The following MCTP1 variants were observed in gnomAD, a reference collection of about 807,000 sequenced individuals.
MCTP1 encodes multiple C2 and transmembrane domain containing 1.
MCTP1 carries 69 observed loss-of-function variants against 120.6 expected under a neutral mutation model. That is an observed-to-expected ratio of 0.57 (90% confidence interval 0.47 to 0.70). MCTP1 has a LOEUF of 0.70. Ranked by LOEUF, MCTP1 falls within the 30% of genes least tolerant of loss-of-function variation. The probability of loss-of-function intolerance (pLI) is 0.00; values close to 1 mark genes in which losing one functional copy is unlikely to be tolerated. For synonymous variants in MCTP1, 529 were observed against 493.1 expected, an observed-to-expected ratio of 1.07 and a Z score of -0.96; for missense variants, 1,203 against 1,248.8, an observed-to-expected ratio of 0.96 and a Z score of 0.55.
intron 1 of MCTP1, among the ~76,000 whole-genome samples, chr5:95,282,303 A>G (rs983635772): frequency 1.3e-5 from 2 of 152,212 alleles, no homozygotes; most frequent in African/African-American, 4.8e-5. Flanking sequence ...CTTTAAAAAT[A>G]TCTTGGTTCA....
At chr5:94,785,793 A>T (rs1205242185) in intron 18 of MCTP1, among the ~76,000 whole-genome samples, 1 of 152,114 alleles carries the variant, frequency 6.6e-6, no homozygotes, top group African/African-American at 2.4e-5. Flanking sequence ...ATTTAAAAAA[A>T]TTTCTGTAAA....
chr5:94,718,718 CATT>C (rs1236960392), intron 19 of MCTP1, among the ~76,000 whole-genome samples: 2 of 152,024 alleles, frequency 1.3e-5, no homozygotes, highest in Middle Eastern at 3.2e-3. Context: ...TAAAAGAAGA[CATT>C]ATTATTATTT....
At chr5:94,839,586 T>C (rs961551526) in intron 17 of MCTP1, among the ~76,000 whole-genome samples, 7 of 152,116 alleles carry the variant, frequency 4.6e-5, no homozygotes, top group Admixed American at 1.3e-4. Context: ...AAAAATAATA[T>C]AAAAGACTTC....
At chr5:95,249,766 A>G (rs1197303807) in intron 1 of MCTP1, among the ~76,000 whole-genome samples, 1 of 152,256 alleles carries the variant, frequency 6.6e-6, no homozygotes, top group Non-Finnish European at 1.5e-5. Flanking sequence ...CCATATGTCC[A>G]TCAGTGATAG....
chr5:95,074,773 T>A (rs1262671943), intron 1 of MCTP1, among the ~76,000 whole-genome samples: 1 of 152,140 alleles, frequency 6.6e-6, no homozygotes, highest in Non-Finnish European at 1.5e-5. Context: ...CTCAAAAAAA[T>A]GTTTCGTGGC....
At chr5:94,968,469 C>T (rs998422887) in intron 2 of MCTP1, among the ~76,000 whole-genome samples, 4 of 152,020 alleles carry the variant, frequency 2.6e-5, no homozygotes, top group Admixed American at 2.6e-4. Context: ...GGAAATTACA[C>T]GTTTTCAAGA....
intron 17 of MCTP1, among the ~76,000 whole-genome samples, chr5:94,859,693 G>A (rs1421638316): frequency 6.6e-6 from 1 of 151,682 alleles, no homozygotes; most frequent in Admixed American, 6.6e-5. Flanking sequence ...AGAAAATGTA[G>A]CTATCTGAAC....
At chr5:94,766,337 G>T (rs1189201125) in intron 19 of MCTP1, among the ~76,000 whole-genome samples, 3 of 152,200 alleles carry the variant, frequency 2.0e-5, no homozygotes, top group Non-Finnish European at 4.4e-5. Flanking sequence ...GGAATACTAT[G>T]CAGCCATAAA....
At position 95,207,861 on chromosome 5, in the gene MCTP1, G is replaced by A. The variant is rs564254067; in HGVS notation, c.720+75995C>T. Among the ~76,000 whole-genome samples, 23 of 151,374 alleles carry A rather than the reference G, an allele frequency of 1.5e-4. No individual in the cohort carries two copies. The South Asian group carries it at 4.8e-3, about 32-fold the overall frequency. On this transcript the variant is annotated intron_variant, in intron 1 of 22. Transcript: ENST00000515393. ...AACGAGGAGACCTAGGGAGAAAGAA[G>A]GGACAGAAAGCACAACTGCAGCAGT...
rs575123931 is a variant in MCTP1, at chr5:95,284,808, T to G, written c.-233A>C. On this transcript the variant is annotated 5_prime_UTR_variant, in exon 1 of 23. Coordinates refer to ENST00000515393, the MANE Select transcript of MCTP1 (RefSeq NM_024717.7). This position sits in a 1 kb window ranked among gnomAD's most constrained non-coding sequence, Gnocchi z 5.2. ...GCCTCGGGACTCCGGCGCTGCCTCT[T>G]CCTCCCGCACCTGCTGGGGTGGGCT... Among the ~76,000 whole-genome samples the G allele has an allele frequency of 7.0e-3, 1,057 of 151,986 alleles. 12 individuals are homozygous for G. Among genetic ancestry groups the G allele is most frequent in the African/African-American group, 0.024 (1,003 of 41,448 alleles).
chr5:94,852,658 T>C (rs913708863), intron 17 of MCTP1, among the ~76,000 whole-genome samples: 3 of 151,988 alleles, frequency 2.0e-5, no homozygotes, highest in Non-Finnish European at 4.4e-5. Flanking sequence ...CCCATATATG[T>C]AACAAAACTA....
At chr5:95,129,389 A>G (rs563322401) in intron 1 of MCTP1, among the ~76,000 whole-genome samples, 5 of 152,338 alleles carry the variant, frequency 3.3e-5, no homozygotes, top group African/African-American at 4.8e-5. Flanking sequence ...GCCTCTGTCA[A>G]GAGTAGTTAC....
chr5:94,927,668 C>G (rs994961579), intron 6 of MCTP1, among the ~76,000 whole-genome samples: 1 of 152,020 alleles, frequency 6.6e-6, no homozygotes, highest in Non-Finnish European at 1.5e-5. Flanking sequence ...GTGTGAGATA[C>G]TTAAAGATGT....
At chr5:95,104,629 T>C (rs1465377668) in intron 1 of MCTP1, among the ~76,000 whole-genome samples, 1 of 152,230 alleles carries the variant, frequency 6.6e-6, no homozygotes, top group East Asian at 1.9e-4. Flanking sequence ...TAAAGCTTTA[T>C]ATTTGTGTTC....
chr5:94,917,811 G>T, intron 8 of MCTP1, 85 bp downstream of exon 8: 1 of 1,053,606 alleles, frequency 9.5e-7, no homozygotes, highest in East Asian at 2.5e-5. Context: ...TAGGGAGTGG[G>T]TTTTCAGTAC....
At chr5:95,127,782 A>C (rs989283237) in intron 1 of MCTP1, among the ~76,000 whole-genome samples, 3 of 152,208 alleles carry the variant, frequency 2.0e-5, no homozygotes, top group Non-Finnish European at 4.4e-5. Context: ...CAAAAACCTC[A>C]AATTGAAAAT....
At chr5:94,895,764 A>T (rs1262229084) in intron 10 of MCTP1, among the ~76,000 whole-genome samples, 1 of 152,228 alleles carries the variant, frequency 6.6e-6, no homozygotes, top group African/African-American at 2.4e-5. Context: ...AGTTGAGTTC[A>T]AACATCTCTT....
In MCTP1 at chr5:95,191,664, T is replaced by C. The variant is rs147739804; in HGVS notation, c.720+92192A>G. On this transcript the variant is annotated intron_variant, in intron 1 of 22. Transcript: ENST00000515393. ...ATAAGTATATTGGTTTGCTTGAAAA[T>C]ATTTCCTCTACTATTCTTTCTCAAG... Among the ~76,000 whole-genome samples the C allele has an allele frequency of 4.8e-3, 732 of 152,112 alleles. 7 individuals are homozygous for C. The highest frequency in any genetic ancestry group is 0.015 in the African/African-American group (640 of 41,544).
intron 1 of MCTP1, among the ~76,000 whole-genome samples, chr5:95,220,946 C>T (rs780868321): frequency 2.0e-4 from 30 of 152,224 alleles, no homozygotes; most frequent in South Asian, 4.2e-4. Flanking sequence ...TAAATTGAGA[C>T]GTGTTGCAAA....
Sources: allele counts gnomAD v4.1 joint callset (sites outside exome capture counted in the v4.1 genomes callset), GRCh38; gene constraint gnomAD v4.1.1; non-coding constraint Gnocchi (gnomAD v3.1); transcripts MANE v1.5; gene names NCBI Gene and HGNC (gene_info 2026-07-23, HGNC 2026-07-21).